MYO16: variants seen among roughly 807,000 people sequenced by gnomAD.
MYO16 encodes myosin XVI.
A neutral mutation model predicts 205.3 loss-of-function variants in MYO16; 94 were observed. That is an observed-to-expected ratio of 0.46 (90% CI 0.39 to 0.54). MYO16 has a LOEUF of 0.54. Ranked by LOEUF, MYO16 falls within the 20% of genes least tolerant of loss-of-function variation. The probability of loss-of-function intolerance (pLI) is 0.00; values close to 1 mark genes in which losing one functional copy is unlikely to be tolerated. For missense variants in MYO16, 2,315 were observed against 2,387.5 expected (o/e 0.97, Z 0.63); for synonymous variants, 988 against 954.0 (o/e 1.04, Z -0.66).
the MYO16 span, among the ~76,000 whole-genome samples, chr13:108,547,000 C>T: frequency 7.2e-5 from 11 of 152,138 alleles, no homozygotes; most frequent in Admixed American, 2.6e-4. Context: ...GGGCCGGGTA[C>T]GGTGGCTCAC....
At chr13:109,077,088 C>T (rs762891128) in intron 27 of MYO16, among the ~76,000 whole-genome samples, 2 of 150,892 alleles carry the variant, frequency 1.3e-5, no homozygotes, top group African/African-American at 2.4e-5. Flanking sequence ...GGCACAATCT[C>T]GGCTCACTGC....
chr13:108,556,947 T>C, the MYO16 span, among the ~76,000 whole-genome samples: 1 of 152,214 alleles, frequency 6.6e-6, no homozygotes, highest in Non-Finnish European at 1.5e-5. Context: ...ACTGTTATTG[T>C]GTGGATTTAT....
chr13:108,770,545 G>A (rs1885928044), intron 4 of MYO16, among the ~76,000 whole-genome samples: 2 of 152,108 alleles, frequency 1.3e-5, no homozygotes, highest in Admixed American at 1.3e-4. Context: ...TGTCACATTA[G>A]CCTCTCTGAT....
intron 16 of MYO16, among the ~76,000 whole-genome samples, chr13:108,936,095 TC>T (rs1218079112): frequency 1.2e-5 from 1 of 84,668 alleles, no homozygotes; most frequent in African/African-American, 3.9e-5. Context: ...TTTCCTTCCT[TC>T]CTTCCTTCCT....
At chr13:108,929,033 A>C (rs1882135055) in intron 16 of MYO16, among the ~76,000 whole-genome samples, 1 of 152,240 alleles carries the variant, frequency 6.6e-6, no homozygotes, top group Non-Finnish European at 1.5e-5. Context: ...GGTAATGAAA[A>C]CAAAAGGTAT....
At chr13:108,973,982 G>A (rs2139398435) in intron 20 of MYO16, among the ~76,000 whole-genome samples, 1 of 152,020 alleles carries the variant, frequency 6.6e-6, no homozygotes, top group South Asian at 2.1e-4. Flanking sequence ...GATAATCCAT[G>A]TTTGGTCTGA....
At chr13:109,098,891 A>C (rs1313169505) in intron 27 of MYO16, among the ~76,000 whole-genome samples, 1 of 152,140 alleles carries the variant, frequency 6.6e-6, no homozygotes, top group Non-Finnish European at 1.5e-5. Context: ...AATACTTTGA[A>C]ACTACATTTT....
chr13:109,016,160 G>T lies in MYO16; in HGVS notation c.2596-3551G>T, dbSNP rs113330164. 1.3e-3 allele frequency among the ~76,000 whole-genome samples: 194 copies of T among 152,212 alleles called. 2 individuals carry two copies. The highest frequency in any genetic ancestry group is 5.9e-3 in the Admixed American group (90 of 15,282). On this transcript the variant is annotated intron_variant, in intron 22 of 34. Coordinates refer to ENST00000457511, the MANE Select transcript of MYO16 (RefSeq NM_001198950.3). Reference sequence around the variant, plus strand: ...TATGTCCCAGAGATTCTGGTATATTGTGTCTTTGTTCTCATTGGTTTCAAA... The same window carrying T: ...TATGTCCCAGAGATTCTGGTATATTTTGTCTTTGTTCTCATTGGTTTCAAA...
intron 1 of MYO16, among the ~76,000 whole-genome samples, chr13:108,631,777 T>C (rs1879990810): frequency 6.6e-6 from 1 of 152,100 alleles, no homozygotes; most frequent in Admixed American, 6.5e-5. Context: ...CTTGGAAGGA[T>C]GAACAAAATA....
At chr13:108,538,820 A>G in the MYO16 span, among the ~76,000 whole-genome samples, 1 of 152,110 alleles carries the variant, frequency 6.6e-6, no homozygotes, top group Non-Finnish European at 1.5e-5. Context: ...GCACTCTAAC[A>G]TAAAGTTAGT....
At chr13:108,754,396 T>C (rs1885353315) in intron 4 of MYO16, among the ~76,000 whole-genome samples, 1 of 152,132 alleles carries the variant, frequency 6.6e-6, no homozygotes, top group Non-Finnish European at 1.5e-5. Context: ...GCCCAGCCAA[T>C]GGTAAGGAAT....
chr13:108,995,614 G>A lies in MYO16; in HGVS notation c.2442+3166G>A, dbSNP rs558199134. Among the ~76,000 whole-genome samples the A allele has an allele frequency of 1.7e-3, 260 of 151,916 alleles. 1 individual carries two copies. The highest frequency in any genetic ancestry group is 6.1e-3 in the African/African-American group (253 of 41,444). On this transcript the variant is annotated intron_variant, in intron 21 of 34. Coordinates refer to ENST00000457511, the MANE Select transcript of MYO16 (RefSeq NM_001198950.3). ...CTCTCCCCACTCCACAACAGGCCCT[G>A]GTGTGTGATGTTCCCCTTCCTGTGC...
At chr13:108,598,523 G>A (rs1158182868) in intron 1 of MYO16, among the ~76,000 whole-genome samples, 1 of 152,122 alleles carries the variant, frequency 6.6e-6, no homozygotes, top group Non-Finnish European at 1.5e-5. Flanking sequence ...CAAGTGATAG[G>A]TTGACACTTT....
At chr13:108,763,659 A>T (rs1443282352) in intron 4 of MYO16, among the ~76,000 whole-genome samples, 1 of 152,054 alleles carries the variant, frequency 6.6e-6, no homozygotes, top group African/African-American at 2.4e-5. Context: ...CAGTTAACGA[A>T]ATCTTTTTGT....
At chr13:108,969,767 C>G (rs1428056244) in intron 20 of MYO16, among the ~76,000 whole-genome samples, 1 of 152,206 alleles carries the variant, frequency 6.6e-6, no homozygotes, top group African/African-American at 2.4e-5. Flanking sequence ...GCAATCACAT[C>G]GAGAACTGCG....
chr13:109,114,959 TAAG>T (rs1390175845), intron 28 of MYO16, among the ~76,000 whole-genome samples: 1 of 152,142 alleles, frequency 6.6e-6, no homozygotes, highest in Non-Finnish European at 1.5e-5. Flanking sequence ...TACCAATATG[TAAG>T]AAGAGTTCTA....
At chr13:109,029,816 G>A (rs1434908191) in intron 23 of MYO16, among the ~76,000 whole-genome samples, 1 of 152,158 alleles carries the variant, frequency 6.6e-6, no homozygotes, top group Non-Finnish European at 1.5e-5. Context: ...TGTGTGGGAG[G>A]CATGATCCAC....
chr13:108,738,984 T>A (rs1275298584), intron 4 of MYO16, among the ~76,000 whole-genome samples: 1 of 152,216 alleles, frequency 6.6e-6, no homozygotes, highest in African/African-American at 2.4e-5. Context: ...GTTTTCCATT[T>A]TCTTGGTAGA....
chr13:108,496,274 C>G, the MYO16 span, among the ~76,000 whole-genome samples: 1 of 152,212 alleles, frequency 6.6e-6, no homozygotes, highest in Non-Finnish European at 1.5e-5. Context: ...CTGGCCATTT[C>G]GAGGGACGCG....
Sources: allele counts gnomAD v4.1 joint callset (sites outside exome capture counted in the v4.1 genomes callset), GRCh38; gene constraint gnomAD v4.1.1; transcripts MANE v1.5; gene names NCBI Gene and HGNC (gene_info 2026-07-23, HGNC 2026-07-21).